TAFA2: variants seen among roughly 807,000 people sequenced by gnomAD.
TAFA2 encodes chemokine-like protein TAFA-2.
Under a neutral mutation model 18.8 loss-of-function variants are expected in TAFA2, and 7 were observed. The observed-to-expected ratio is 0.37, with a 90% CI of 0.21 to 0.70. TAFA2 has a LOEUF of 0.70. Ranked by LOEUF, TAFA2 falls within the 30% of genes least tolerant of loss-of-function variation. The pLI is 0.53. For missense variants in TAFA2, 122 were observed against 158.1 expected (o/e 0.77, Z 1.23); for synonymous variants, 60 against 54.2 (o/e 1.11, Z -0.47).
intron 1 of TAFA2, among the ~76,000 whole-genome samples, chr12:61,924,825 G>A (rs1364167434): frequency 2.0e-5 from 3 of 152,170 alleles, no homozygotes; most frequent in African/African-American, 7.2e-5. Flanking sequence ...CCGTCAGTGT[G>A]CTGTATTCAG....
At chr12:62,176,066 C>T (rs148215602) in intron 1 of TAFA2, among the ~76,000 whole-genome samples, 95 of 152,170 alleles carry the variant, frequency 6.2e-4, no homozygotes, top group African/African-American at 2.2e-3. Flanking sequence ...GAATAGAAAT[C>T]CACTATTACA....
intron 2 of TAFA2, among the ~76,000 whole-genome samples, chr12:61,804,184 T>C (rs930075354): frequency 5.3e-5 from 8 of 152,010 alleles, no homozygotes; most frequent in African/African-American, 1.9e-4. Context: ...AATGGCTTCC[T>C]ATACTTTAAA....
At chr12:61,720,918 C>T (rs760649060) in intron 4 of TAFA2, 6 of 517,774 alleles carry the variant, frequency 1.2e-5, no homozygotes, top group Admixed American at 1.9e-5. Context: ...GAGTTTTACA[C>T]GTTTGCCTAA....
chr12:62,154,206 G>A (rs555209577), intron 1 of TAFA2, among the ~76,000 whole-genome samples: 7 of 152,236 alleles, frequency 4.6e-5, no homozygotes, highest in African/African-American at 7.2e-5. Context: ...AGGCTGCCAA[G>A]GTCATAGTCA....
intron 1 of TAFA2, among the ~76,000 whole-genome samples, chr12:61,963,570 A>C (rs1040514769): frequency 3.3e-5 from 5 of 151,832 alleles, no homozygotes. Context: ...AAATTTGTTT[A>C]AGTTCTTTGT....
intron 4 of TAFA2, among the ~76,000 whole-genome samples, chr12:61,748,901 A>G (rs1249564819): frequency 1.3e-5 from 2 of 150,098 alleles, no homozygotes; most frequent in Admixed American, 1.3e-4. Context: ...CTATTGTTAC[A>G]ATATTACTCT....
At chr12:62,256,280 A>G (rs538150787) in intron 1 of TAFA2, among the ~76,000 whole-genome samples, 1 of 152,270 alleles carries the variant, frequency 6.6e-6, no homozygotes, top group East Asian at 1.9e-4. Context: ...AAAAAAAAAA[A>G]GGATATAAAG....
chr12:62,069,988 T>C (rs1483745053), intron 1 of TAFA2, among the ~76,000 whole-genome samples: 1 of 152,230 alleles, frequency 6.6e-6, no homozygotes, highest in Non-Finnish European at 1.5e-5. Context: ...CATGCAAGTT[T>C]TGGGAGTAAT....
At chr12:62,038,058 TAC>T (rs1881656770) in intron 1 of TAFA2, among the ~76,000 whole-genome samples, 2 of 151,996 alleles carry the variant, frequency 1.3e-5, no homozygotes, top group Admixed American at 1.3e-4. Context: ...AAAAATCAAA[TAC>T]ACAGAGAGAA....
chr12:62,165,044 A>G (rs1459101712), intron 1 of TAFA2, among the ~76,000 whole-genome samples: 3 of 152,092 alleles, frequency 2.0e-5, no homozygotes, highest in Admixed American at 6.6e-5. Context: ...ACTGTCCCCA[A>G]TACCTTGGGG....
chr12:61,983,746 A>G (rs1879722680), intron 1 of TAFA2, among the ~76,000 whole-genome samples: 1 of 152,118 alleles, frequency 6.6e-6, no homozygotes. Context: ...AGTTGGTGCA[A>G]TTTCCTTCTC....
At chr12:61,780,990 C>T (rs751146747) in intron 2 of TAFA2, among the ~76,000 whole-genome samples, 1 of 151,692 alleles carries the variant, frequency 6.6e-6, no homozygotes, top group Non-Finnish European at 1.5e-5. Context: ...ATTTCAGAAG[C>T]TCCTGAGAGC....
intron 1 of TAFA2, among the ~76,000 whole-genome samples, chr12:62,253,911 T>C (rs970263662): frequency 1.8e-4 from 27 of 152,246 alleles, no homozygotes; most frequent in African/African-American, 5.8e-4. Flanking sequence ...ATCTGTTATG[T>C]ATCTATGTTT....
intron 1 of TAFA2, chr12:62,207,341 T>C (rs1292776095): frequency 6.6e-6 from 1 of 152,194 alleles, no homozygotes; most frequent in Non-Finnish European, 1.5e-5. Context: ...TATCCAATAA[T>C]AATGACTTTA....
intron 2 of TAFA2, among the ~76,000 whole-genome samples, chr12:61,813,391 C>CT (rs547231123): frequency 6.6e-6 from 1 of 151,140 alleles, no homozygotes; most frequent in South Asian, 2.1e-4. Context: ...AGAATATTAA[C>CT]TTTTTTCTGT....
chr12:62,025,071 T>C (rs1241010269), intron 1 of TAFA2, among the ~76,000 whole-genome samples: 2 of 152,202 alleles, frequency 1.3e-5, no homozygotes, highest in Non-Finnish European at 2.9e-5. Flanking sequence ...AAAACACAAC[T>C]ACTATTCAAC....
At chr12:62,024,188 C>T (rs1881240021) in intron 1 of TAFA2, among the ~76,000 whole-genome samples, 1 of 152,152 alleles carries the variant, frequency 6.6e-6, no homozygotes, top group South Asian at 2.1e-4. Context: ...TCCATGATCT[C>T]AGCATTCATT....
chr12:62,103,749 A>AG lies in TAFA2; in HGVS notation c.-2+87509_-2+87510insC, dbSNP rs1317301907. 2.0e-5 allele frequency among the ~76,000 whole-genome samples: 3 copies of AG among 146,756 alleles called. No individual in the cohort carries two copies. The East Asian group carries it at 5.9e-4, about 29-fold the overall frequency. On this transcript the variant is annotated intron_variant, in intron 1 of 4. Coordinates refer to ENST00000416284, the MANE Select transcript of TAFA2 (RefSeq NM_178539.5). Reference sequence around the variant, plus strand: ...AGCATGAAACTCCTTCTCAAAAAGAAAAAAAAAAAAAAGACTACATGCTTC... The same window carrying AG: ...AGCATGAAACTCCTTCTCAAAAAGAAGAAAAAAAAAAAAGACTACATGCTTC...
intron 1 of TAFA2, among the ~76,000 whole-genome samples, chr12:61,925,291 C>T (rs573558614): frequency 3.9e-5 from 6 of 152,330 alleles, no homozygotes; most frequent in Admixed American, 1.3e-4. Context: ...ACATTCTTCT[C>T]AGCACCATAT....
Sources: gnomAD v4.1 joint callset for allele counts (sites outside exome capture counted in the v4.1 genomes callset) on GRCh38, gnomAD v4.1.1 for gene constraint, MANE v1.5 for transcripts, NCBI Gene and HGNC (gene_info 2026-07-23, HGNC 2026-07-21) for gene names.